The following GRM3 variants were observed in gnomAD, a reference collection of about 807,000 sequenced individuals.
GRM3 encodes the protein metabotropic glutamate receptor 3.
A neutral mutation model predicts 70.5 loss-of-function variants in GRM3; 26 were observed. The observed-to-expected ratio is 0.37, with a 90% confidence interval of 0.27 to 0.51. The LOEUF (loss-of-function observed/expected upper bound fraction) is 0.51. Ranked by LOEUF, GRM3 falls within the 20% of genes least tolerant of loss-of-function variation. The pLI is 0.93. For synonymous variants in GRM3, 443 were observed against 434.9 expected, an observed-to-expected ratio of 1.02 and a Z score of -0.23; for missense variants, 859 against 1,123.8, an observed-to-expected ratio of 0.76 and a Z score of 3.37.
At chr7:86,861,215 G>A (rs1798951154) in intron 5 of GRM3, among the ~76,000 whole-genome samples, 1 of 152,134 alleles carries the variant, frequency 6.6e-6, no homozygotes, top group Non-Finnish European at 1.5e-5. Flanking sequence ...TAGGCTTCAT[G>A]TTTGCTGGTC....
intron 3 of GRM3, among the ~76,000 whole-genome samples, chr7:86,805,625 CT>C (rs1439964816): frequency 2.6e-5 from 4 of 152,330 alleles, no homozygotes; most frequent in Non-Finnish European, 5.9e-5. Context: ...AACCACTCAT[CT>C]TTTCACTGTC....
intron 3 of GRM3, among the ~76,000 whole-genome samples, chr7:86,833,567 C>T (rs1490874937): frequency 6.6e-6 from 1 of 152,192 alleles, no homozygotes; most frequent in Non-Finnish European, 1.5e-5. Flanking sequence ...AAGCTCTCTG[C>T]CACTTGAAGC....
At chr7:86,712,288 A>G (rs1484395249) in intron 1 of GRM3, among the ~76,000 whole-genome samples, 1 of 151,982 alleles carries the variant, frequency 6.6e-6, no homozygotes, top group Non-Finnish European at 1.5e-5. Context: ...GTTTGCTGCC[A>G]TAGTGTTCTC....
chr7:86,728,728 C>G (rs566484098), intron 1 of GRM3, among the ~76,000 whole-genome samples: 1 of 152,248 alleles, frequency 6.6e-6, no homozygotes, highest in Admixed American at 6.5e-5. Context: ...AGCAGGGCAT[C>G]TATGTCCATA....
chr7:86,827,714 A>T (rs1244469104), intron 3 of GRM3, among the ~76,000 whole-genome samples: 1 of 152,090 alleles, frequency 6.6e-6, no homozygotes, highest in Non-Finnish European at 1.5e-5. Flanking sequence ...AAGTTTCACT[A>T]TGTTGGCCAG....
intron 5 of GRM3, among the ~76,000 whole-genome samples, chr7:86,862,704 A>G (rs1050524678): frequency 2.4e-4 from 36 of 152,288 alleles, no homozygotes; most frequent in African/African-American, 7.9e-4. Flanking sequence ...CAAGCAATCA[A>G]TGTAAAATTG....
At chr7:86,656,211 T>G (rs1410529084) in intron 1 of GRM3, among the ~76,000 whole-genome samples, 2 of 151,450 alleles carry the variant, frequency 1.3e-5, no homozygotes, top group African/African-American at 2.4e-5. Context: ...CTTCATTATT[T>G]CCTAGCCTGG....
At position 86,765,652 on chromosome 7, in the gene GRM3, C is replaced by G. The variant is rs768033161; in HGVS notation, c.468+39C>G. The G allele has an allele frequency of 1.9e-6, 3 of 1,568,536 alleles. No homozygotes were observed. The South Asian group carries it at 3.4e-5, about 18-fold the overall frequency. ...ATGCTATTGCTAAAAGGCTGTATCT[C>G]TTTGCTTTTATGTGTTGGGGGAACA... is the stretch of plus-strand genomic sequence containing the variant. On this transcript the variant is annotated intron_variant, in intron 2 of 5. Transcript: ENST00000361669.
intron 3 of GRM3, among the ~76,000 whole-genome samples, chr7:86,813,458 T>C (rs1797953813): frequency 6.6e-6 from 1 of 151,854 alleles, no homozygotes; most frequent in South Asian, 2.1e-4. Context: ...TAAGCAGTCA[T>C]TTACCTCAGG....
At chr7:86,737,017 C>A (rs1208325043) in intron 1 of GRM3, among the ~76,000 whole-genome samples, 3 of 151,210 alleles carry the variant, frequency 2.0e-5, no homozygotes, top group African/African-American at 7.3e-5. Context: ...GTCCTAGGGG[C>A]CATAAAGAAA....
At chr7:86,703,124 G>A (rs1794981622) in intron 1 of GRM3, among the ~76,000 whole-genome samples, 1 of 151,728 alleles carries the variant, frequency 6.6e-6, no homozygotes, top group Non-Finnish European at 1.5e-5. Flanking sequence ...CCAGATAAAT[G>A]TCTTAAAAAG....
intron 1 of GRM3, among the ~76,000 whole-genome samples, chr7:86,735,847 C>A (rs541413684): frequency 6.0e-4 from 92 of 152,292 alleles, no homozygotes; most frequent in African/African-American, 2.2e-3. Flanking sequence ...AAAAACCCTG[C>A]AGAGCACTTT....
chr7:86,682,624 G>A (rs1794468008), intron 1 of GRM3, among the ~76,000 whole-genome samples: 1 of 152,138 alleles, frequency 6.6e-6, no homozygotes, highest in Admixed American at 6.6e-5. Context: ...AAATCATCCA[G>A]CATGCCCCAA....
At chr7:86,863,084 T>C (rs1798990331) in intron 5 of GRM3, among the ~76,000 whole-genome samples, 1 of 152,146 alleles carries the variant, frequency 6.6e-6, no homozygotes, top group Non-Finnish European at 1.5e-5. Context: ...GAGAGAGATC[T>C]TAAATGTAAT....
chr7:86,793,437 CT>C (rs911166638), intron 3 of GRM3, among the ~76,000 whole-genome samples: 6 of 152,224 alleles, frequency 3.9e-5, no homozygotes, highest in Non-Finnish European at 8.8e-5. Flanking sequence ...GAGCAAACTG[CT>C]CTTGATCTTG....
rs555006287 is a variant in GRM3 at position 86,766,990 on chromosome 7, C to T, written c.468+1377C>T. 2.6e-5 allele frequency among the ~76,000 whole-genome samples: 4 copies of T among 152,232 alleles called. No homozygotes were observed. In the South Asian group the frequency reaches 8.3e-4, roughly 32 times the overall value. ...CTTTGGGAGGCTGAGGCAGGCAGATCACCTGAGGTCAGGAGCTTGAGACCA... is the reference window on the plus strand; with the variant it reads ...CTTTGGGAGGCTGAGGCAGGCAGATTACCTGAGGTCAGGAGCTTGAGACCA... On this transcript the variant is annotated intron_variant, in intron 2 of 5. Transcript: ENST00000361669.
chr7:86,792,181 T>C (rs1797435889), intron 3 of GRM3, among the ~76,000 whole-genome samples: 1 of 152,200 alleles, frequency 6.6e-6, no homozygotes, highest in Admixed American at 6.5e-5. Flanking sequence ...CTGAGACCAG[T>C]TCCAGAAAGT....
At chr7:86,674,758 T>C (rs1794264526) in intron 1 of GRM3, among the ~76,000 whole-genome samples, 1 of 152,122 alleles carries the variant, frequency 6.6e-6, no homozygotes, top group African/African-American at 2.4e-5. Context: ...TATATGATTT[T>C]CTAAAACACT....
chr7:86,651,636 C>A (rs1346713099), intron 1 of GRM3, among the ~76,000 whole-genome samples: 1 of 152,182 alleles, frequency 6.6e-6, no homozygotes, highest in East Asian at 1.9e-4. Context: ...CCAGTGATTT[C>A]TGTGGAATCC....
Sources: allele counts gnomAD v4.1 joint callset (sites outside exome capture counted in the v4.1 genomes callset), GRCh38; gene constraint gnomAD v4.1.1; transcripts MANE v1.5; gene names NCBI Gene and HGNC (gene_info 2026-07-23, HGNC 2026-07-21).